ATP8A2: variants seen among roughly 807,000 people sequenced by gnomAD.
ATP8A2 encodes the protein phospholipid-transporting ATPase IB.
In ATP8A2, 100 loss-of-function variants were observed where a neutral mutation model predicts 165.6. The ratio of observed to expected loss-of-function variants is 0.60; its 90% CI spans 0.51 to 0.71. ATP8A2 has a LOEUF of 0.71. Ranked by LOEUF, ATP8A2 falls within the 30% of genes least tolerant of loss-of-function variation. The pLI, the probability that ATP8A2 is intolerant of heterozygous loss-of-function variation, is 0.00. For synonymous variants in ATP8A2, 543 were observed against 548.8 expected, an observed-to-expected ratio of 0.99 and a Z score of 0.15; for missense variants, 1,227 against 1,479.5, an observed-to-expected ratio of 0.83 and a Z score of 2.80.
At chr13:25,577,048 T>C (rs764498581) in intron 19 of ATP8A2, 21 bp from the exon 20 acceptor site, 1 of 1,556,094 alleles carries the variant, frequency 6.4e-7, no homozygotes, top group Admixed American at 1.7e-5. Flanking sequence ...AATGATGACT[T>C]TTTTTTTTTC....
At chr13:25,754,253 G>A (rs1455211110) in intron 25 of ATP8A2, among the ~76,000 whole-genome samples, 3 of 32,248 alleles carry the variant, frequency 9.3e-5, no homozygotes, top group Non-Finnish European at 1.8e-4. Flanking sequence ...AATGTACATA[G>A]AAAACTGACG....
Position 25,550,612 on chromosome 13 carries a change from G to T in ATP8A2, c.892-726G>T, listed in dbSNP as rs555265001. On this transcript the variant is annotated intron_variant, in intron 10 of 36. Transcript: ENST00000381655. ...CCTGGGCTGGTTTCCCCCCAGCAGT[G>T]AGAAGGCAGGTGCTAAGCCTGTGAT... Among the ~76,000 whole-genome samples the T allele has an allele frequency of 5.3e-5, 8 of 152,238 alleles. No homozygotes were observed. In the South Asian group the frequency reaches 1.7e-3, roughly 32 times the overall value.
chr13:25,728,768 C>T (rs1208325653), intron 25 of ATP8A2, among the ~76,000 whole-genome samples: 8 of 152,148 alleles, frequency 5.3e-5, no homozygotes, highest in African/African-American at 9.7e-5. Flanking sequence ...TGTTTTACCC[C>T]TGCAGACTTT....
chr13:25,395,367 T>G (rs1398525125), intron 1 of ATP8A2, among the ~76,000 whole-genome samples: 1 of 152,064 alleles, frequency 6.6e-6, no homozygotes, highest in Non-Finnish European at 1.5e-5. Context: ...CCTTCAGTTC[T>G]GTGGCTTGTA....
chr13:25,633,741 T>A (rs67844955), intron 24 of ATP8A2, among the ~76,000 whole-genome samples: 13,619 of 152,192 alleles, frequency 0.089, 659 homozygotes, highest in Non-Finnish European at 0.12. Context: ...TTTGAGAGTC[T>A]GAGGTGGGTG....
intron 1 of ATP8A2, among the ~76,000 whole-genome samples, chr13:25,403,078 G>A (rs1034374234): frequency 1.3e-5 from 2 of 152,162 alleles, no homozygotes; most frequent in Admixed American, 6.5e-5. Context: ...TCTCCTACAG[G>A]CCCCACCTTT....
chr13:25,660,509 G>T (rs9319229), intron 24 of ATP8A2, among the ~76,000 whole-genome samples: 38,273 of 152,032 alleles, frequency 0.25, 5,148 homozygotes, highest in South Asian at 0.47. Flanking sequence ...TAAGACAGAA[G>T]AACTTTTTAC....
At position 25,919,376 on chromosome 13, in the gene ATP8A2, A is replaced by G. The variant is rs541704909; in HGVS notation, c.3184-42199A>G. 7.9e-5 allele frequency among the ~76,000 whole-genome samples: 12 copies of G among 152,214 alleles called. No homozygotes were observed. In the South Asian group the frequency reaches 1.5e-3, roughly 18 times the overall value. The stretch of plus-strand genomic sequence containing the variant: ...CTTATCTGAGCGTACCCTCTCCTTT[A>G]TAACTGTATTCAGATCTCCACATCT... On this transcript the variant is annotated intron_variant, in intron 33 of 36. Coordinates refer to ENST00000381655, the MANE Select transcript of ATP8A2 (RefSeq NM_016529.6).
chr13:26,018,398 C>T (rs1957030238), intron 36 of ATP8A2, among the ~76,000 whole-genome samples: 1 of 152,192 alleles, frequency 6.6e-6, no homozygotes, highest in Admixed American at 6.5e-5. Flanking sequence ...AAGCCAGATG[C>T]CTCAGGAAAT....
At chr13:25,635,946 C>G (rs1035215811) in intron 24 of ATP8A2, among the ~76,000 whole-genome samples, 1 of 152,180 alleles carries the variant, frequency 6.6e-6, no homozygotes. Flanking sequence ...AGCGCACCCC[C>G]TCCTGTTCTG....
chr13:25,676,960 T>A (rs1316538863), intron 24 of ATP8A2, among the ~76,000 whole-genome samples: 1 of 152,238 alleles, frequency 6.6e-6, no homozygotes, highest in East Asian at 1.9e-4. Context: ...TTTGTTTTTC[T>A]TTTCCTAGTG....
At chr13:25,738,852 G>T (rs998436813) in intron 25 of ATP8A2, among the ~76,000 whole-genome samples, 10 of 152,166 alleles carry the variant, frequency 6.6e-5, no homozygotes, top group Non-Finnish European at 1.2e-4. Flanking sequence ...AGGATATATT[G>T]ATTTATTTTC....
At chr13:25,641,466 C>T (rs2041519530) in intron 24 of ATP8A2, among the ~76,000 whole-genome samples, 1 of 152,090 alleles carries the variant, frequency 6.6e-6, no homozygotes, top group Non-Finnish European at 1.5e-5. Flanking sequence ...CAATAACAGA[C>T]AAACAGAGAG....
At chr13:25,420,611 C>T (rs1220165067) in intron 1 of ATP8A2, among the ~76,000 whole-genome samples, 1 of 152,168 alleles carries the variant, frequency 6.6e-6, no homozygotes, top group Non-Finnish European at 1.5e-5. Context: ...GGGCTTATTA[C>T]CTAGGTGATC....
intron 33 of ATP8A2, among the ~76,000 whole-genome samples, chr13:25,922,998 G>C (rs924748698): frequency 6.6e-6 from 1 of 152,154 alleles, no homozygotes; most frequent in African/African-American, 2.4e-5. Flanking sequence ...ACTCTTTTCC[G>C]TTGATTTTCA....
intron 35 of ATP8A2, among the ~76,000 whole-genome samples, chr13:25,983,194 T>G (rs1341596747): frequency 6.6e-6 from 1 of 152,244 alleles, no homozygotes; most frequent in South Asian, 2.1e-4. Context: ...TTCATGATAG[T>G]GTCCACAGAA....
chr13:25,925,535 CAA>C (rs200471026), intron 33 of ATP8A2, among the ~76,000 whole-genome samples: 4 of 122,050 alleles, frequency 3.3e-5, no homozygotes, highest in African/African-American at 9.3e-5. Context: ...GTCTCTGTCT[CAA>C]AAAAAAAAAA....
In ATP8A2 at chr13:25,572,099, G is replaced by C. The variant is rs1490128618; in HGVS notation, c.1662+407G>C. ...AGTCCACTGGGCTTCAGTCTCTTCA[G>C]CTGGGAGAGGAGTCAGCGTTAAGAT... On this transcript the variant is annotated intron_variant, in intron 18 of 36. Coordinates refer to ENST00000381655, the MANE Select transcript of ATP8A2 (RefSeq NM_016529.6). 2.0e-5 allele frequency among the ~76,000 whole-genome samples: 3 copies of C among 150,582 alleles called. No individual in the cohort carries two copies. The Admixed American group carries it at 2.0e-4, about 10-fold the overall frequency.
chr13:25,700,630 C>G (rs1273610662), intron 25 of ATP8A2, among the ~76,000 whole-genome samples: 1 of 152,104 alleles, frequency 6.6e-6, no homozygotes, highest in African/African-American at 2.4e-5. Context: ...GTTTTTTACC[C>G]TTTTTGACTG....
Sources: gnomAD v4.1 joint callset for allele counts (sites outside exome capture counted in the v4.1 genomes callset) on GRCh38, gnomAD v4.1.1 for gene constraint, MANE v1.5 for transcripts, NCBI Gene and HGNC (gene_info 2026-07-23, HGNC 2026-07-21) for gene names.